Variants in ACTL8 observed in about 807,000 individuals in gnomAD.
The protein encoded by ACTL8 is actin like 8, also known as actin-like protein 8.
Under a neutral mutation model 9.3 loss-of-function variants are expected in ACTL8, and 3 were observed. That is an observed-to-expected ratio of 0.32 (90% CI 0.15 to 0.83). ACTL8 has a LOEUF of 0.83. ACTL8 is among the 40% of genes least tolerant of loss of function. The probability of loss-of-function intolerance (pLI) is 0.57; values close to 1 mark genes in which losing one functional copy is unlikely to be tolerated. For missense variants in ACTL8, 381 were observed against 492.2 expected, an observed-to-expected ratio of 0.77 and a Z score of 2.14; for synonymous variants, 224 against 205.9, an observed-to-expected ratio of 1.09 and a Z score of -0.75.
At chr1:17,777,102 T>G (rs970666687) in intron 1 of ACTL8, among the ~76,000 whole-genome samples, 5 of 150,410 alleles carry the variant, frequency 3.3e-5, no homozygotes, top group Admixed American at 1.3e-4. Context: ...GTGCTGAGAT[T>G]ACAGGTGTGA....
chr1:17,826,224 G>T lies in ACTL8; in HGVS notation c.806G>T (p.Gly269Val), dbSNP rs1303174711. 3 of 1,613,312 alleles carry T rather than the reference G, an allele frequency of 1.9e-6. No homozygotes were observed. Among genetic ancestry groups the T allele is most frequent in the Non-Finnish European group, 2.5e-6 (3 of 1,179,922 alleles). ...AGCCCGCAGGTGTTCGAGCAGCCGG[G>T]GCCCAGCATCCCACGGGCCATTGTG... ...FFSPQVFEQP[G>V]PSIPRAIVES... The change falls in exon 3 of 3, where the codon GGG (glycine) becomes GTG (valine). Residue 269 changes from glycine (G) to valine (V), a missense_variant. By Grantham distance (109) the Gly-to-Val change is moderately radical. Around this residue, in one of 3 missense-constraint regions of ACTL8, gnomAD observed 243 missense variants for 276.2 expected, o/e 0.88. Transcript: ENST00000375406. This position sits in a 1 kb window ranked among gnomAD's most constrained non-coding sequence, Gnocchi z 4.5.
At chr1:17,812,672 T>C (rs2066401373) in intron 1 of ACTL8, among the ~76,000 whole-genome samples, 1 of 151,636 alleles carries the variant, frequency 6.6e-6, no homozygotes, top group Admixed American at 6.6e-5. Flanking sequence ...ACTTGTATTT[T>C]AGTAGAGATG....
At chr1:17,825,658 C>T (rs955310607) in intron 2 of ACTL8, 109 bp from the exon 3 acceptor site, 2 of 1,423,076 alleles carry the variant, frequency 1.4e-6, no homozygotes, top group African/African-American at 2.8e-5. Context: ...GCGCAGCATC[C>T]TGGGGCAGCC....
At position 17,823,476 on chromosome 1, in the gene ACTL8, C is replaced by T; in HGVS notation, c.348+120C>T. On this transcript the variant is annotated intron_variant, in intron 2 of 2. Transcript: ENST00000375406. This position sits in a 1 kb window ranked among gnomAD's most constrained non-coding sequence, Gnocchi z 5.3. ...ATAAATTGCCAACCAGGTGTGGTGG[C>T]TTATGCCTGTAATCCCAACACTTTG... 1.0e-6 allele frequency: 1 copy of T among 982,948 alleles called. No homozygotes were observed. Among genetic ancestry groups the T allele is most frequent in the Non-Finnish European group, 1.5e-6 (1 of 682,146 alleles). 60.9% of individuals were successfully genotyped at this position (982,948 alleles called of 1,614,324 possible).
At chr1:17,756,645 T>C (rs2065970980) in intron 1 of ACTL8, among the ~76,000 whole-genome samples, 2 of 152,150 alleles carry the variant, frequency 1.3e-5, no homozygotes, top group Non-Finnish European at 2.9e-5. Context: ...AGAATTGGTG[T>C]CAGGAATAGG....
At chr1:17,801,866 C>T (rs2066325050) in intron 1 of ACTL8, among the ~76,000 whole-genome samples, 1 of 152,140 alleles carries the variant, frequency 6.6e-6, no homozygotes, top group South Asian at 2.1e-4. Flanking sequence ...ATTCGGTGTC[C>T]ATCTAGTTAC....
At chr1:17,765,779 C>T (rs1441267469) in intron 1 of ACTL8, among the ~76,000 whole-genome samples, 1 of 152,242 alleles carries the variant, frequency 6.6e-6, no homozygotes, top group East Asian at 1.9e-4. Context: ...GCAGAGCTGA[C>T]TGGTCTGACC....
intron 1 of ACTL8, among the ~76,000 whole-genome samples, chr1:17,764,583 C>CA (rs1553119607): frequency 6.6e-5 from 10 of 152,048 alleles, no homozygotes; most frequent in Admixed American, 2.0e-4. Flanking sequence ...GGCACCCCCC[C>CA]ACAGCATCTC....
At chr1:17,820,004 C>T (rs1297437130) in intron 1 of ACTL8, among the ~76,000 whole-genome samples, 1 of 150,510 alleles carries the variant, frequency 6.6e-6, no homozygotes, top group African/African-American at 2.4e-5. Flanking sequence ...GAGATCCTGT[C>T]TCAAAAAAAA....
intron 1 of ACTL8, among the ~76,000 whole-genome samples, chr1:17,817,811 C>T (rs1398688579): frequency 1.3e-5 from 2 of 152,084 alleles, no homozygotes; most frequent in Non-Finnish European, 2.9e-5. Flanking sequence ...AGCAATTCTC[C>T]TGCCTCAGCC....
intron 1 of ACTL8, among the ~76,000 whole-genome samples, chr1:17,805,700 G>T (rs2066355922): frequency 6.6e-6 from 1 of 152,170 alleles, no homozygotes; most frequent in Non-Finnish European, 1.5e-5. Context: ...TTTTCTAACA[G>T]ACATACAGAC....
At chr1:17,810,486 C>T (rs1196141049) in intron 1 of ACTL8, among the ~76,000 whole-genome samples, 1 of 152,164 alleles carries the variant, frequency 6.6e-6, no homozygotes, top group Admixed American at 6.5e-5. Flanking sequence ...AACCCATATT[C>T]AAATTTTACC....
chr1:17,801,705 A>G (rs985123024), intron 1 of ACTL8, among the ~76,000 whole-genome samples: 2 of 152,212 alleles, frequency 1.3e-5, no homozygotes, highest in African/African-American at 4.8e-5. Flanking sequence ...AAATGTAAAA[A>G]AAACAATTTC....
At chr1:17,781,866 A>G (rs539802079) in intron 1 of ACTL8, among the ~76,000 whole-genome samples, 70 of 152,284 alleles carry the variant, frequency 4.6e-4, no homozygotes, top group African/African-American at 1.5e-3. Flanking sequence ...TCCAGGACCC[A>G]TCTCTGGCAG....
chr1:17,788,465 A>G (rs1417955243), intron 1 of ACTL8, among the ~76,000 whole-genome samples: 1 of 152,240 alleles, frequency 6.6e-6, no homozygotes, highest in Non-Finnish European at 1.5e-5. Flanking sequence ...CGGAGCAGCC[A>G]GGCAGGGCCT....
intron 1 of ACTL8, among the ~76,000 whole-genome samples, chr1:17,764,669 C>G (rs2066031793): frequency 6.6e-6 from 1 of 152,236 alleles, no homozygotes; most frequent in Non-Finnish European, 1.5e-5. Flanking sequence ...TCCAGCCCCA[C>G]TTGGCATGCC....
chr1:17,783,239 A>G (rs1190424370), intron 1 of ACTL8, among the ~76,000 whole-genome samples: 1 of 152,086 alleles, frequency 6.6e-6, no homozygotes, highest in Non-Finnish European at 1.5e-5. Context: ...GGAGGGACCC[A>G]GTGGGAGGTA....
In ACTL8 at chr1:17,820,359, C is replaced by A. The variant is rs1018082696; in HGVS notation, c.-24-2626C>A. ...ATCGGTTGTTCATTCTGTTTTATTA[C>A]CAGGTAGTATTCCACTGAATGGAGA... On this transcript the variant is annotated intron_variant, in intron 1 of 2. Coordinates refer to ENST00000375406, the MANE Select transcript of ACTL8 (RefSeq NM_030812.3). Among the ~76,000 whole-genome samples the A allele has an allele frequency of 5.3e-5, 8 of 152,110 alleles. No homozygotes were observed. The South Asian group carries it at 1.2e-3, about 24-fold the overall frequency.
At chr1:17,808,375 A>G (rs1249361343) in intron 1 of ACTL8, among the ~76,000 whole-genome samples, 2 of 152,206 alleles carry the variant, frequency 1.3e-5, no homozygotes, top group Non-Finnish European at 2.9e-5. Flanking sequence ...TGTGAAAGAT[A>G]GTTATTTTCA....
Sources: gnomAD v4.1 joint callset for allele counts (sites outside exome capture counted in the v4.1 genomes callset) on GRCh38, gnomAD v4.1.1 for gene constraint, gnomAD v4.1.1 regional missense constraint, Gnocchi (gnomAD v3.1) non-coding constraint, MANE v1.5 for transcripts, NCBI Gene and HGNC (gene_info 2026-07-23, HGNC 2026-07-21) for gene names.